Variants in NUP85 observed in about 807,000 individuals in gnomAD.
The protein encoded by NUP85 is nuclear pore complex protein Nup85.
Under a neutral mutation model 92.8 loss-of-function variants are expected in NUP85, and 23 were observed. That is an observed-to-expected ratio of 0.25 (90% CI 0.18 to 0.35). The LOEUF (loss-of-function observed/expected upper bound fraction) is 0.35, where lower values mean the gene tolerates loss of function less well. Among genes scored for constraint, NUP85 ranks in the 10% least tolerant of loss-of-function variants. The pLI, the probability that NUP85 is intolerant of heterozygous loss-of-function variation, is 1.00. For synonymous variants in NUP85, 314 were observed against 306.9 expected (o/e 1.02, Z -0.24); for missense variants, 759 against 822.8 (o/e 0.92, Z 0.95).
intron 18 of NUP85, 110 bp from the exon 19 acceptor site, chr17:75,235,468 A>G: frequency 1.4e-6 from 1 of 729,186 alleles, no homozygotes; most frequent in South Asian, 1.8e-5. Context: ...ATTTGCTGGA[A>G]GCTACTATGA....
chr17:75,224,952 C>CA (rs2075729927), intron 7 of NUP85, 151 bp from the exon 8 acceptor site: 1 of 643,256 alleles, frequency 1.6e-6, no homozygotes. Flanking sequence ...GGGAAAGAGC[C>CA]ATCATTCTTC....
At chr17:75,233,371 C>G (rs1022149794) in intron 16 of NUP85, among the ~76,000 whole-genome samples, 1 of 112,770 alleles carries the variant, frequency 8.9e-6, no homozygotes, top group African/African-American at 3.4e-5. Context: ...GTTTGTTTTT[C>G]TTTCTTTCTC....
chr17:75,208,659 A>C, intron 2 of NUP85, 39 bp downstream of exon 2: 1 of 1,182,152 alleles, frequency 8.5e-7, no homozygotes, highest in South Asian at 1.3e-5. Flanking sequence ...ATCTTGGCAC[A>C]TTTGGTTGTT....
chr17:75,207,125 A>C (rs2075108896), intron 1 of NUP85, among the ~76,000 whole-genome samples: 2 of 152,004 alleles, frequency 1.3e-5, no homozygotes, highest in Non-Finnish European at 2.9e-5. Flanking sequence ...TTAGAGGCTC[A>C]CAAGGAATTT....
Position 75,225,111 on chromosome 17 carries a change from C to G in NUP85, c.606C>G (p.Ile202Met). 1 of 1,559,634 alleles carries G rather than the reference C, an allele frequency of 6.4e-7. No homozygotes were observed. Among genetic ancestry groups the G allele is most frequent in the Non-Finnish European group, 8.7e-7 (1 of 1,150,408 alleles). The stretch of plus-strand genomic sequence containing the variant: ...CCCGGATCTCCTCCCAGGTGACCAT[C>G]TTGGTGCTGCAGGGCCGGCTGGATG... ...KHDSFWNLVT[I>M]LVLQGRLDEA... Residue 202 changes from isoleucine to methionine, a missense_variant, in exon 8 of 19, where the codon ATC becomes ATG. Physicochemically the swap from Ile to Met is conservative, Grantham distance 10. Coordinates refer to ENST00000245544, the MANE Select transcript of NUP85 (RefSeq NM_024844.5).
chr17:75,212,228 G>GTTTTTTT lies in NUP85; in HGVS notation c.361+166_361+167insTTTTTTT, dbSNP rs768963282. Among the ~76,000 whole-genome samples the GTTTTTTT allele has an allele frequency of 9.5e-5, 8 of 84,564 alleles. 4 individuals are homozygous for GTTTTTTT. 55.5% of individuals were successfully genotyped at this position (84,564 alleles called of 152,430 possible). ...CTTACTTTTTTGGTAATCATTTAGA[G>GTTTTTTT]GTTTTTTTTTTTGTTGTTGTTTTTT... On this transcript the variant is annotated intron_variant, in intron 4 of 18. Coordinates refer to ENST00000245544, the MANE Select transcript of NUP85 (RefSeq NM_024844.5).
chr17:75,222,327 G>A (rs1014847073), intron 7 of NUP85, among the ~76,000 whole-genome samples: 2 of 152,112 alleles, frequency 1.3e-5, no homozygotes, highest in African/African-American at 4.8e-5. Flanking sequence ...TTACAGGCGT[G>A]AGGCACCATG....
At chr17:75,225,520 T>A in intron 9 of NUP85, 56 bp downstream of exon 9, 1 of 1,596,370 alleles carries the variant, frequency 6.3e-7, no homozygotes, top group East Asian at 2.2e-5. Context: ...GGCTGTGGCA[T>A]CCAGTGCAGC....
intron 5 of NUP85, among the ~76,000 whole-genome samples, chr17:75,214,486 T>C (rs1170755696): frequency 6.6e-6 from 1 of 152,212 alleles, no homozygotes; most frequent in Non-Finnish European, 1.5e-5. Flanking sequence ...TGTCTACGTG[T>C]TTCATGTCAT....
chr17:75,231,807 GTCC>G lies in NUP85; in HGVS notation c.1245-15_1245-13del, dbSNP rs777982725. 89 of 1,613,748 alleles carry G rather than the reference GTCC, an allele frequency of 5.5e-5. No homozygotes were observed. The highest frequency in any genetic ancestry group is 7.0e-5 in the Non-Finnish European group (83 of 1,179,816). ...AGCCATGAGGCAGCACCTCATGTCTGTCCTCCTCGAACCTTTGCAGCCTGTGGC... is the reference window on the plus strand; with the variant it reads ...AGCCATGAGGCAGCACCTCATGTCTGTCCTCGAACCTTTGCAGCCTGTGGC... On this transcript the variant is annotated intron_variant, in intron 13 of 18. Transcript: ENST00000245544. The surrounding 1 kb of genome is among the most constrained non-coding windows in gnomAD (Gnocchi z 4.6).
chr17:75,205,927 T>C, intron 1 of NUP85, 133 bp downstream of exon 1: 2 of 1,047,178 alleles, frequency 1.9e-6, no homozygotes, highest in East Asian at 2.6e-5. Context: ...TTGCCACTTT[T>C]CCGGAGGTCG....
chr17:75,221,491 C>T (rs941969027), intron 7 of NUP85, among the ~76,000 whole-genome samples: 8 of 152,102 alleles, frequency 5.3e-5, no homozygotes, highest in Non-Finnish European at 1.2e-4. Flanking sequence ...TTGCCTTGGC[C>T]TCCCAAAGTA....
chr17:75,214,805 C>T (rs1037710149), intron 5 of NUP85, among the ~76,000 whole-genome samples: 16 of 150,630 alleles, frequency 1.1e-4, no homozygotes, highest in African/African-American at 2.0e-4. Flanking sequence ...TGCAGTGAGC[C>T]GAGATCATGC....
chr17:75,216,384 A>G (rs6501765), intron 6 of NUP85: 139,461 of 152,394 alleles, frequency 0.92, 64,786 homozygotes, highest in Non-Finnish European at 1. Context: ...TCCTGCCTCA[A>G]CCTCCTGAGT....
intron 11 of NUP85, among the ~76,000 whole-genome samples, chr17:75,229,657 C>T (rs980454945): frequency 2.0e-5 from 3 of 152,148 alleles, no homozygotes; most frequent in East Asian, 3.8e-4. Flanking sequence ...GTAGAGAGAC[C>T]GTGGTGGCTT....
chr17:75,232,405 T>C lies in NUP85; in HGVS notation c.1396+426T>C, dbSNP rs576126635. Among the ~76,000 whole-genome samples, 3 of 152,298 alleles carry C rather than the reference T, an allele frequency of 2.0e-5. No individual in the cohort carries two copies. The South Asian group carries it at 6.2e-4, about 32-fold the overall frequency. On this transcript the variant is annotated intron_variant, in intron 14 of 18. Transcript: ENST00000245544. ...TGCCCCTTCATTTCTCCCCTCACTGTTGAGTAATGTAAACATGAGTTATTA... is the reference window on the plus strand; with the variant it reads ...TGCCCCTTCATTTCTCCCCTCACTGCTGAGTAATGTAAACATGAGTTATTA...
In NUP85 at chr17:75,231,764, G is replaced by A. The variant is rs2076069599; in HGVS notation, c.1245-64G>A. 1.2e-6 allele frequency: 2 copies of A among 1,607,824 alleles called. No homozygotes were observed. The highest frequency in any genetic ancestry group is 1.7e-6 in the Non-Finnish European group (2 of 1,175,382). ...TCGGAAGGGTCAGTGAAAGGGAGCT[G>A]TAGGTGCCAGTCCTCGGAGCCATGA... On this transcript the variant is annotated intron_variant, in intron 13 of 18. Transcript: ENST00000245544. The surrounding 1 kb of genome is among the most constrained non-coding windows in gnomAD (Gnocchi z 4.6).
intron 1 of NUP85, among the ~76,000 whole-genome samples, chr17:75,206,897 C>T (rs1024873925): frequency 2.0e-5 from 3 of 151,872 alleles, no homozygotes; most frequent in African/African-American, 4.8e-5. Context: ...TTAGTAGAGA[C>T]GGGGTTTCAC....
At chr17:75,229,248 GT>G in intron 11 of NUP85, 1 of 768,124 alleles carries the variant, frequency 1.3e-6, no homozygotes, top group Non-Finnish European at 1.6e-6. Context: ...GTGCAGCAGT[GT>G]TTACAAACCT....
Sources: allele counts gnomAD v4.1 joint callset (sites outside exome capture counted in the v4.1 genomes callset), GRCh38; gene constraint gnomAD v4.1.1; non-coding constraint Gnocchi (gnomAD v3.1); transcripts MANE v1.5; gene names NCBI Gene and HGNC (gene_info 2026-07-23, HGNC 2026-07-21).